Variants in RIT2 observed in about 807,000 individuals in gnomAD.
RIT2 encodes Ras like without CAAX 2.
Under a neutral mutation model 23.7 loss-of-function variants are expected in RIT2, and 24 were observed. That is an observed-to-expected ratio of 1.01 (90% CI 0.73 to 1.43). The LOEUF (loss-of-function observed/expected upper bound fraction) is 1.43, where lower values mean the gene tolerates loss of function less well. Ranked by LOEUF, RIT2 falls within the 40% of genes most tolerant of loss-of-function variation. The pLI, the probability that RIT2 is intolerant of heterozygous loss-of-function variation, is 0.00. For missense variants in RIT2, 236 were observed against 266.9 expected (o/e 0.88, Z 0.81); for synonymous variants, 107 against 91.1 (o/e 1.17, Z -0.99).
intron 4 of RIT2, among the ~76,000 whole-genome samples, chr18:42,859,363 G>A (rs1043827430): frequency 2.0e-5 from 3 of 152,160 alleles, no homozygotes; most frequent in South Asian, 2.1e-4. Context: ...TTGGCGAAAT[G>A]ATTATTCAAA....
intron 4 of RIT2, among the ~76,000 whole-genome samples, chr18:42,788,086 A>C (rs1913962106): frequency 6.6e-6 from 1 of 152,088 alleles, no homozygotes; most frequent in African/African-American, 2.4e-5. Context: ...ATATGTTAAC[A>C]TAAATAACTT....
chr18:42,878,453 G>A (rs1907801541), intron 4 of RIT2, among the ~76,000 whole-genome samples: 1 of 151,878 alleles, frequency 6.6e-6, no homozygotes, highest in African/African-American at 2.4e-5. Context: ...GGCTGAGAAG[G>A]AGGAGGAAGA....
intron 4 of RIT2, among the ~76,000 whole-genome samples, chr18:42,823,101 A>G (rs1385651533): frequency 6.6e-6 from 1 of 152,144 alleles, no homozygotes; most frequent in Non-Finnish European, 1.5e-5. Flanking sequence ...GGGTAAATGT[A>G]CTGAGAGCCT....
chr18:42,967,536 ATTT>A (rs397940927), intron 3 of RIT2, among the ~76,000 whole-genome samples: 2,277 of 80,746 alleles, frequency 0.028, 83 homozygotes, highest in African/African-American at 0.11. Flanking sequence ...CGCCCGGCTA[ATTT>A]TTTTTTTTTT....
chr18:43,036,400 C>T (rs371527983), intron 1 of RIT2, among the ~76,000 whole-genome samples: 2 of 151,998 alleles, frequency 1.3e-5, no homozygotes, highest in South Asian at 2.1e-4. Flanking sequence ...ATCAGCCGGG[C>T]GTGGTGGCGC....
intron 4 of RIT2, among the ~76,000 whole-genome samples, chr18:42,782,111 A>G (rs1224452168): frequency 6.6e-6 from 1 of 152,176 alleles, no homozygotes; most frequent in African/African-American, 2.4e-5. Flanking sequence ...TTCAGTATTG[A>G]TTTTATCTGA....
intron 1 of RIT2, among the ~76,000 whole-genome samples, chr18:43,090,285 G>T (rs1422943940): frequency 6.6e-6 from 1 of 152,074 alleles, no homozygotes; most frequent in Non-Finnish European, 1.5e-5. Flanking sequence ...CAACATCACT[G>T]ATCATTAGAG....
At chr18:43,090,846 G>A (rs1258799046) in intron 1 of RIT2, among the ~76,000 whole-genome samples, 9 of 152,062 alleles carry the variant, frequency 5.9e-5, no homozygotes, top group African/African-American at 2.2e-4. Flanking sequence ...CACATGGAGG[G>A]GAATACCACC....
At chr18:42,807,697 A>G (rs931863707) in intron 4 of RIT2, among the ~76,000 whole-genome samples, 3 of 152,136 alleles carry the variant, frequency 2.0e-5, no homozygotes, top group African/African-American at 7.2e-5. Context: ...CATAAAACAA[A>G]ACATTTATAG....
At chr18:42,804,325 G>C (rs1598660747) in intron 4 of RIT2, among the ~76,000 whole-genome samples, 1 of 152,006 alleles carries the variant, frequency 6.6e-6, no homozygotes, top group East Asian at 1.9e-4. Context: ...AGGCCAAGGT[G>C]GGTGGATCAC....
intron 2 of RIT2, among the ~76,000 whole-genome samples, chr18:43,021,917 A>C (rs1157185642): frequency 6.6e-6 from 1 of 152,118 alleles, no homozygotes; most frequent in Non-Finnish European, 1.5e-5. Context: ...AAAAACTAAA[A>C]GTAGAACGAT....
At chr18:42,787,287 T>C (rs1056071349) in intron 4 of RIT2, among the ~76,000 whole-genome samples, 3 of 152,000 alleles carry the variant, frequency 2.0e-5, no homozygotes, top group Non-Finnish European at 4.4e-5. Flanking sequence ...GTTTCATCCA[T>C]GTCCCTACAA....
intron 2 of RIT2, among the ~76,000 whole-genome samples, chr18:42,990,230 A>G (rs976334948): frequency 6.6e-6 from 1 of 152,050 alleles, no homozygotes; most frequent in African/African-American, 2.4e-5. Flanking sequence ...ATGGCCCCCC[A>G]GTTCAAGCAG....
chr18:42,804,110 C>CA (rs1347873396), intron 4 of RIT2, among the ~76,000 whole-genome samples: 1 of 152,084 alleles, frequency 6.6e-6, no homozygotes, highest in Non-Finnish European at 1.5e-5. Context: ...TACATCACAA[C>CA]AAAAAATGAG....
chr18:43,094,862 C>T (rs977318832), intron 1 of RIT2, among the ~76,000 whole-genome samples: 8 of 151,648 alleles, frequency 5.3e-5, no homozygotes, highest in African/African-American at 1.7e-4. Flanking sequence ...TTTCCAGCTT[C>T]ATCCATGTCC....
At chr18:42,801,200 C>T (rs1905531911) in intron 4 of RIT2, among the ~76,000 whole-genome samples, 1 of 152,148 alleles carries the variant, frequency 6.6e-6, no homozygotes, top group African/African-American at 2.4e-5. Context: ...CCAAGCTTCA[C>T]TTCTAGTCTT....
intron 3 of RIT2, among the ~76,000 whole-genome samples, chr18:42,948,707 A>AT (rs1387013940): frequency 1.3e-5 from 2 of 152,230 alleles, no homozygotes; most frequent in East Asian, 3.9e-4. Context: ...TTATATGATC[A>AT]TCTTAATCAG....
intron 4 of RIT2, among the ~76,000 whole-genome samples, chr18:42,887,895 A>G (rs1449753593): frequency 6.6e-6 from 1 of 152,212 alleles, no homozygotes; most frequent in Non-Finnish European, 1.5e-5. Flanking sequence ...CTTAAGGGAA[A>G]GGAGCCATTC....
At chr18:43,021,164 G>A (rs1236304337) in intron 2 of RIT2, among the ~76,000 whole-genome samples, 1 of 151,800 alleles carries the variant, frequency 6.6e-6, no homozygotes, top group African/African-American at 2.4e-5. Context: ...AAACTCAATA[G>A]CAAAAAAGTA....
Sources: gnomAD v4.1 joint callset for allele counts (sites outside exome capture counted in the v4.1 genomes callset) on GRCh38, gnomAD v4.1.1 for gene constraint, MANE v1.5 for transcripts, NCBI Gene and HGNC (gene_info 2026-07-23, HGNC 2026-07-21) for gene names.